The following SLC8A1 variants were observed in gnomAD, a reference collection of about 807,000 sequenced individuals.
The protein encoded by SLC8A1 is solute carrier family 8 member A1.
SLC8A1 carries 18 observed loss-of-function variants against 68.3 expected under a neutral mutation model. The observed-to-expected ratio is 0.26, with a 90% CI of 0.18 to 0.39. The LOEUF (loss-of-function observed/expected upper bound fraction) is 0.39, where lower values mean the gene tolerates loss of function less well. Among genes scored for constraint, SLC8A1 ranks in the 10% least tolerant of loss-of-function variants. The probability of loss-of-function intolerance (pLI) is 1.00; values close to 1 mark genes in which losing one functional copy is unlikely to be tolerated. For missense variants in SLC8A1, 985 were observed against 1,156.7 expected (o/e 0.85, Z 2.15); for synonymous variants, 475 against 415.5 (o/e 1.14, Z -1.74).
At chr2:40,186,363 CT>C (rs11284238) in intron 2 of SLC8A1, among the ~76,000 whole-genome samples, 19,143 of 151,884 alleles carry the variant, frequency 0.13, 1,330 homozygotes, top group African/African-American at 0.15. Context: ...ATTTTTAAGC[CT>C]TTTTTTCCTT....
At chr2:40,182,071 T>C (rs12997800) in intron 2 of SLC8A1, among the ~76,000 whole-genome samples, 3,270 of 152,332 alleles carry the variant, frequency 0.021, 71 homozygotes, top group African/African-American at 0.053. Flanking sequence ...ACTTTTGCAC[T>C]GTCACAAGGA....
At chr2:40,393,272 GA>G in intron 2 of SLC8A1, among the ~76,000 whole-genome samples, 1 of 151,824 alleles carries the variant, frequency 6.6e-6, no homozygotes, top group East Asian at 1.9e-4. Context: ...TATTACTTAG[GA>G]AAAAAATCCC....
At chr2:40,356,151 C>T (rs1204032660) in intron 2 of SLC8A1, among the ~76,000 whole-genome samples, 1 of 152,230 alleles carries the variant, frequency 6.6e-6, no homozygotes, top group African/African-American at 2.4e-5. Flanking sequence ...TACCCACCCC[C>T]AGTTAAACAG....
chr2:40,355,357 G>A (rs1672349150), intron 2 of SLC8A1, among the ~76,000 whole-genome samples: 1 of 152,122 alleles, frequency 6.6e-6, no homozygotes, highest in Non-Finnish European at 1.5e-5. Context: ...TACTCTAAAA[G>A]GTCACTTTCC....
chr2:40,311,539 A>G (rs1161256327), intron 2 of SLC8A1, among the ~76,000 whole-genome samples: 1 of 152,126 alleles, frequency 6.6e-6, no homozygotes, highest in Non-Finnish European at 1.5e-5. Flanking sequence ...ACTATAGAAG[A>G]ACATTTAAAA....
chr2:40,368,686 A>C (rs1263408604), intron 2 of SLC8A1, among the ~76,000 whole-genome samples: 3 of 151,988 alleles, frequency 2.0e-5, no homozygotes, highest in Non-Finnish European at 2.9e-5. Flanking sequence ...GATTATTTGA[A>C]AACCCAGGTT....
intron 2 of SLC8A1, among the ~76,000 whole-genome samples, chr2:40,389,429 C>T (rs1025486162): frequency 6.6e-6 from 1 of 152,066 alleles, no homozygotes; most frequent in African/African-American, 2.4e-5. Context: ...GGATTTTCCT[C>T]ACTCTGAAAG....
At chr2:40,342,331 G>A (rs143843291) in intron 2 of SLC8A1, among the ~76,000 whole-genome samples, 1 of 152,114 alleles carries the variant, frequency 6.6e-6, no homozygotes, top group African/African-American at 2.4e-5. Flanking sequence ...ATTAATAAAT[G>A]AATAAGCTAT....
intron 2 of SLC8A1, among the ~76,000 whole-genome samples, chr2:40,193,104 T>C (rs1287571298): frequency 6.6e-6 from 1 of 152,160 alleles, no homozygotes; most frequent in East Asian, 1.9e-4. Flanking sequence ...AATCAAGGTA[T>C]CTTACATTTC....
chr2:40,240,116 A>ATT (rs1022666413), intron 2 of SLC8A1, among the ~76,000 whole-genome samples: 7 of 152,212 alleles, frequency 4.6e-5, no homozygotes, highest in African/African-American at 1.7e-4. Context: ...CCAGTATATC[A>ATT]TTTTGTGCAC....
At chr2:40,343,965 C>T (rs1480677961) in intron 2 of SLC8A1, among the ~76,000 whole-genome samples, 2 of 152,014 alleles carry the variant, frequency 1.3e-5, no homozygotes, top group South Asian at 2.1e-4. Context: ...TGCCAGTACC[C>T]GCATCAGGTA....
intron 2 of SLC8A1, among the ~76,000 whole-genome samples, chr2:40,375,329 G>A (rs13417463): frequency 0.076 from 11,627 of 152,066 alleles, 1,422 homozygotes; most frequent in African/African-American, 0.26. Flanking sequence ...CTTCCTGTTG[G>A]TTTGTTTGGT....
chr2:40,154,484 C>G (rs3059328), intron 6 of SLC8A1, among the ~76,000 whole-genome samples: 1 of 46,198 alleles, frequency 2.2e-5, no homozygotes, highest in African/African-American at 5.4e-5. Context: ...TTTTTCTTTT[C>G]TTTTTTTTTT....
At chr2:40,377,584 G>A (rs1478574594) in intron 2 of SLC8A1, among the ~76,000 whole-genome samples, 1 of 150,400 alleles carries the variant, frequency 6.6e-6, no homozygotes, top group Non-Finnish European at 1.5e-5. Context: ...AGCTCAAAGT[G>A]AATCTACACA....
In SLC8A1 at chr2:40,300,733, C is replaced by T. The variant is rs1000795218; in HGVS notation, c.1809-122878G>A. 3.9e-5 allele frequency among the ~76,000 whole-genome samples: 6 copies of T among 152,208 alleles called. No homozygotes were observed. In the South Asian group the frequency reaches 1.2e-3, roughly 32 times the overall value. On this transcript the variant is annotated intron_variant, in intron 2 of 7. Transcript: ENST00000406785. ...TGACAAGCCTCTCCAGGAGCAAAGT[C>T]AGGAAAAGGCTGAAGACACCAGCAG...
intron 2 of SLC8A1, among the ~76,000 whole-genome samples, chr2:40,358,692 G>C (rs892285725): frequency 3.3e-5 from 5 of 152,132 alleles, no homozygotes; most frequent in Admixed American, 2.0e-4. Context: ...CTGTACAATG[G>C]CCTAGGTACA....
At chr2:40,393,291 A>G (rs902435222) in intron 2 of SLC8A1, among the ~76,000 whole-genome samples, 1 of 152,084 alleles carries the variant, frequency 6.6e-6, no homozygotes, top group African/African-American at 2.4e-5. Flanking sequence ...CCCAACAGCT[A>G]TCCAGTTGTG....
intron 6 of SLC8A1, among the ~76,000 whole-genome samples, chr2:40,159,644 G>C (rs2045300761): frequency 6.6e-6 from 1 of 152,150 alleles, no homozygotes; most frequent in Non-Finnish European, 1.5e-5. Context: ...AAATAAAAGA[G>C]AGTTTACCCC....
At chr2:40,158,627 C>T (rs139616084) in intron 6 of SLC8A1, among the ~76,000 whole-genome samples, 6 of 152,204 alleles carry the variant, frequency 3.9e-5, no homozygotes, top group Admixed American at 1.3e-4. Context: ...TAATGTGACG[C>T]GGCCAGTCTC....
Sources: gnomAD v4.1 joint callset for allele counts (sites outside exome capture counted in the v4.1 genomes callset) on GRCh38, gnomAD v4.1.1 for gene constraint, MANE v1.5 for transcripts, NCBI Gene and HGNC (gene_info 2026-07-23, HGNC 2026-07-21) for gene names.